The following PIEZO1 variants were observed in gnomAD, a reference collection of about 807,000 sequenced individuals.
PIEZO1 encodes piezo-type mechanosensitive ion channel component 1.
Under a neutral mutation model 297.2 loss-of-function variants are expected in PIEZO1, and 296 were observed. That is an observed-to-expected ratio of 1.00 (90% CI 0.91 to 1.10). The LOEUF is 1.10. Among genes scored for constraint, PIEZO1 ranks in the 50% least tolerant of loss-of-function variants. The pLI is 0.00. For synonymous variants in PIEZO1, 2,427 were observed against 1,507.5 expected (o/e 1.61, Z -14.13); for missense variants, 5,018 against 3,455.5 (o/e 1.45, Z -11.34).
At chr16:88,780,763 C>T (rs973436031) in intron 1 of PIEZO1, among the ~76,000 whole-genome samples, 1 of 152,192 alleles carries the variant, frequency 6.6e-6, no homozygotes, top group Non-Finnish European at 1.5e-5. Context: ...GAGTTCAAGG[C>T]CAGCCTGGCC....
At chr16:88,766,764 C>G (rs1907199105) in intron 1 of PIEZO1, among the ~76,000 whole-genome samples, 1 of 152,360 alleles carries the variant, frequency 6.6e-6, no homozygotes, top group Middle Eastern at 3.4e-3. Flanking sequence ...CTGCCTGGCT[C>G]TTCCCCAGGA....
chr16:88,736,317 G>T lies in PIEZO1; in HGVS notation c.1388C>A (p.Ala463Asp). 1 of 1,550,210 alleles carries T rather than the reference G, an allele frequency of 6.5e-7. No individual in the cohort carries two copies. Among genetic ancestry groups the T allele is most frequent in the Non-Finnish European group, 8.7e-7 (1 of 1,146,860 alleles). ...CAGGATGCAGGGCGAGCACAGCATG[G>T]CCAGTTGGTGGCGGCTGCGCACCGT... is the stretch of plus-strand genomic sequence containing the variant. The part of the protein sequence containing the change: ...IWTVRSRHQL[A>D]MLCSPCILLY... The change falls in exon 12 of 51, where the codon GCC (alanine) becomes GAC (aspartate). Residue 463 changes from alanine to aspartate, a missense_variant. Coordinates refer to ENST00000301015, the MANE Select transcript of PIEZO1 (RefSeq NM_001142864.4).
At chr16:88,778,454 C>T (rs1002805562) in intron 1 of PIEZO1, among the ~76,000 whole-genome samples, 3 of 152,214 alleles carry the variant, frequency 2.0e-5, no homozygotes, top group Non-Finnish European at 4.4e-5. Flanking sequence ...TCAGAGGGAG[C>T]CTGAAATACT....
Position 88,743,177 on chromosome 16 carries a change from G to A in PIEZO1, c.161-755C>T, listed in dbSNP as rs536334480. 44 of 455,862 alleles carry A rather than the reference G, an allele frequency of 9.7e-5. No individual in the cohort carries two copies. In the East Asian group the frequency reaches 2.6e-3, roughly 27 times the overall value. 28.2% of individuals were successfully genotyped at this position (455,862 alleles called of 1,614,324 possible). A position where few individuals can be genotyped will look rare whatever the true frequency, so the allele number is the denominator to read the frequency against. ...TCAGCCCCCCAGCAGGGAGGCCTTC[G>A]GCTGCAGGGCAGGGGCTGGGCGGGC... On this transcript the variant is annotated intron_variant, in intron 2 of 50. Coordinates refer to ENST00000301015, the MANE Select transcript of PIEZO1 (RefSeq NM_001142864.4).
chr16:88,726,340 G>C lies in PIEZO1; in HGVS notation c.3912C>G (p.Ser1304Arg). 2 of 1,550,438 alleles carry C rather than the reference G, an allele frequency of 1.3e-6. No homozygotes were observed. The highest frequency in any genetic ancestry group is 1.7e-6 in the Non-Finnish European group (2 of 1,146,952). The change falls in exon 27 of 51, where the codon AGC becomes AGG. Residue 1304 changes from serine (S) to arginine (R), a missense_variant. Ser to Arg is a moderately radical substitution (Grantham distance 110, BLOSUM62 -1). Transcript: ENST00000301015. ...CGGCCCTGACGTGCAGGTAGTAATG[G>C]CTAAGGAAGACGCGGCGCTGCAGCA... ...FLLLQRRVFL[S>R]HYYLHVRADL...
rs1905243389 is a variant in PIEZO1, at chr16:88,736,714, CCT to C, written c.1219_1220del (p.Arg407GlyfsTer84). 1.3e-6 allele frequency: 2 copies of C among 1,532,630 alleles called. No individual in the cohort carries two copies. Among genetic ancestry groups the C allele is most frequent in the Non-Finnish European group, 8.7e-7 (1 of 1,145,310 alleles). The allele number at this position is 1,532,630 out of a possible 1,614,324, so 94.9% of individuals were successfully genotyped here. A position where few individuals can be genotyped will look rare whatever the true frequency, so the allele number is the denominator to read the frequency against. ...RPVRPKRAEPREASPLHSLGH... is the reference protein window; with the variant it reads ...RPVRPKRAEPXEASPLHSLGH... Reference sequence around the variant, plus strand: ...CCAGGCTGTGGAGCGGAGACGCCTCCCTGGGCTCAGCCCGCTTGGGCCGCACT... The same window carrying C: ...CCAGGCTGTGGAGCGGAGACGCCTCCGGGCTCAGCCCGCTTGGGCCGCACT... On this transcript the variant is annotated frameshift_variant, in exon 11 of 51. Coordinates refer to ENST00000301015, the MANE Select transcript of PIEZO1 (RefSeq NM_001142864.4). LOFTEE classifies it high-confidence loss of function.
Position 88,738,324 on chromosome 16 carries a change from C to CG in PIEZO1, c.750dup (p.Ala251ArgfsTer33). ...TGGCCGGCGCCGAAGCACCCCACCG[C>CG]GACGCAGAGTCTGCTGAAGCCCCGA... On this transcript the variant is annotated frameshift_variant, in exon 7 of 51. Coordinates refer to ENST00000301015, the MANE Select transcript of PIEZO1 (RefSeq NM_001142864.4). LOFTEE classifies it high-confidence loss of function. 1 of 1,535,894 alleles carries CG rather than the reference C, an allele frequency of 6.5e-7. No homozygotes were observed. The highest frequency in any genetic ancestry group is 2.4e-5 in the East Asian group (1 of 40,920).
rs559259341 is a variant in PIEZO1 at position 88,736,133 on chromosome 16, G to A, written c.1557+15C>T. 2.5e-5 allele frequency: 39 copies of A among 1,534,664 alleles called. No individual in the cohort carries two copies. In the East Asian group the frequency reaches 6.4e-4, roughly 25 times the overall value. On this transcript the variant is annotated intron_variant, in intron 12 of 50. Transcript: ENST00000301015. ...GCGCACCCAGGCACCCCCGGATGTG[G>A]TGGTGCACACTCACCATGGCACCAA...
chr16:88,734,863 C>T lies in PIEZO1; in HGVS notation c.1848+12G>A. 1 of 1,549,968 alleles carries T rather than the reference C, an allele frequency of 6.5e-7. No homozygotes were observed. Among genetic ancestry groups the T allele is most frequent in the East Asian group, 2.4e-5 (1 of 40,900 alleles). On this transcript the variant is annotated intron_variant, in intron 14 of 50. Coordinates refer to ENST00000301015, the MANE Select transcript of PIEZO1 (RefSeq NM_001142864.4). ...GTCCGTGCCCCAGCCCCCATCCCGG[C>T]CCCCCAGCCACCTGGAAGAGGGTGA...
At chr16:88,715,897 C>T (rs1213035788) in intron 50 of PIEZO1, 36 bp downstream of exon 50, 2 of 1,538,510 alleles carry the variant, frequency 1.3e-6, no homozygotes, top group African/African-American at 2.8e-5. Context: ...CCGGAGCCCC[C>T]CGAGCTGCGG....
intron 1 of PIEZO1, among the ~76,000 whole-genome samples, chr16:88,756,626 G>C (rs761322665): frequency 7.2e-5 from 11 of 152,068 alleles, no homozygotes; most frequent in Non-Finnish European, 1.5e-4. Flanking sequence ...AATGTATCTG[G>C]GTGTGGTGGT....
rs1313206134 is a variant in PIEZO1 at position 88,742,055 on chromosome 16, T to A, written c.324A>T (p.Thr108=). ...GGGGGTGGGAGGAATGGTCTTACCT[T>A]GTGACCCCTATGTGTCGCGAGAGGG... The part of the protein sequence containing the change: ...WETLSRHIGV[T]RLDLKDIPNA... The change falls in exon 4 of 51, where the codon ACA becomes ACT. Residue 108 remains threonine, a splice_region_variant and synonymous_variant. Coordinates refer to ENST00000301015, the MANE Select transcript of PIEZO1 (RefSeq NM_001142864.4). 1 of 1,536,122 alleles carries A rather than the reference T, an allele frequency of 6.5e-7. No homozygotes were observed. Among genetic ancestry groups the A allele is most frequent in the East Asian group, 2.4e-5 (1 of 40,908 alleles).
rs1232405487 is a variant in PIEZO1 at position 88,716,288 on chromosome 16, G to A, written c.7050-11C>T. 26 of 1,489,024 alleles carry A rather than the reference G, an allele frequency of 1.7e-5. No homozygotes were observed. The highest frequency in any genetic ancestry group is 2.8e-5 in the African/African-American group (2 of 71,560). 92.2% of individuals were successfully genotyped at this position (1,489,024 alleles called of 1,614,324 possible). On this transcript the variant is annotated splice_polypyrimidine_tract_variant and intron_variant, in intron 48 of 50. Coordinates refer to ENST00000301015, the MANE Select transcript of PIEZO1 (RefSeq NM_001142864.4). Reference sequence around the variant, plus strand: ...AGATTAGGGATGACCCTGCAGGGAGGTGCTGGCAGGTCAGGCCTGGCCCAG... The same window carrying A: ...AGATTAGGGATGACCCTGCAGGGAGATGCTGGCAGGTCAGGCCTGGCCCAG...
At chr16:88,717,363 G>A (rs1391007325) in intron 44 of PIEZO1, 152 bp from the exon 45 acceptor site, 3 of 686,766 alleles carry the variant, frequency 4.4e-6, no homozygotes, top group Non-Finnish European at 5.2e-6. Flanking sequence ...ACAGGCCAGT[G>A]GAGTAGAACT....
chr16:88,719,765 C>A, intron 43 of PIEZO1, 37 bp downstream of exon 43: 1 of 1,550,258 alleles, frequency 6.5e-7, no homozygotes, highest in Non-Finnish European at 8.7e-7. Context: ...CCCTCATGCC[C>A]GGGCCGTGAC....
At chr16:88,743,722 G>A in intron 2 of PIEZO1, 1 of 442,708 alleles carries the variant, frequency 2.3e-6, no homozygotes, top group Admixed American at 2.4e-5. Flanking sequence ...TGACCGTGAA[G>A]CAGCCCTCAC....
chr16:88,719,443 T>G, intron 44 of PIEZO1, 131 bp downstream of exon 44: 2 of 821,388 alleles, frequency 2.4e-6, no homozygotes, highest in Non-Finnish European at 3.8e-6. Context: ...TGGGCTCGCC[T>G]CATGTCCCCA....
chr16:88,778,798 T>C (rs187354336), intron 1 of PIEZO1, among the ~76,000 whole-genome samples: 5 of 152,254 alleles, frequency 3.3e-5, no homozygotes, highest in African/African-American at 1.2e-4. Context: ...GAGAGGCTCG[T>C]GTGCCATCCC....
At chr16:88,739,021 G>C (rs557392939) in intron 5 of PIEZO1, 1 of 518,678 alleles carries the variant, frequency 1.9e-6, no homozygotes, top group Non-Finnish European at 3.5e-6. Context: ...GGCACGTGAT[G>C]ACCTTGCCAG....
Sources: allele counts gnomAD v4.1 joint callset (sites outside exome capture counted in the v4.1 genomes callset), GRCh38; gene constraint gnomAD v4.1.1; transcripts MANE v1.5; gene names NCBI Gene and HGNC (gene_info 2026-07-23, HGNC 2026-07-21).